Variants in XIRP1 observed in about 807,000 individuals in gnomAD.
XIRP1 encodes xin actin binding repeat containing 1, also known as xin actin-binding repeat-containing protein 1.
For synonymous variants in XIRP1, 984 were observed against 947.0 expected, an observed-to-expected ratio of 1.04 and a Z score of -0.72; for missense variants, 2,378 against 2,345.4, an observed-to-expected ratio of 1.01 and a Z score of -0.29.
Position 39,185,782 on chromosome 3 carries a change from C to A in XIRP1, c.3664G>T (p.Ala1222Ser). 3.1e-6 allele frequency: 5 copies of A among 1,611,180 alleles called. No homozygotes were observed. The highest frequency in any genetic ancestry group is 1.3e-5 in the African/African-American group (1 of 74,986). Reference protein sequence around the residue: ...AEVCPGGLQAAETTLKTAPLG... With the variant: ...AEVCPGGLQASETTLKTAPLG... The stretch of plus-strand genomic sequence containing the variant: ...GGGGCAGTCTTCAGGGTGGTCTCTG[C>A]AGCTTGGAGGCCCCCTGGGCAGACT... Residue 1222 changes from alanine (A) to serine (S), a missense_variant, in exon 2 of 2, where the codon GCA becomes TCA. By Grantham distance (99) the Ala-to-Ser change is moderately conservative. Coordinates refer to ENST00000340369, the MANE Select transcript of XIRP1 (RefSeq NM_194293.4).
In XIRP1 at chr3:39,185,823, C is replaced by G; in HGVS notation, c.3623G>C (p.Gly1208Ala). 1 of 1,613,684 alleles carries G rather than the reference C, an allele frequency of 6.2e-7. No homozygotes were observed. Among genetic ancestry groups the G allele is most frequent in the Non-Finnish European group, 8.5e-7 (1 of 1,179,856 alleles). Residue 1208 changes from glycine to alanine, a missense_variant, in exon 2 of 2, where the codon GGG becomes GCG. Coordinates refer to ENST00000340369, the MANE Select transcript of XIRP1 (RefSeq NM_194293.4). The stretch of plus-strand genomic sequence containing the variant: ...TGGGCAGACTTCTGCCATCGCCTTC[C>G]CTGGTGGCCCCCAGGCCATCTGTGT... ...GCTQMAWGPP[G>A]KAMAEVCPGG...
At position 39,187,239 on chromosome 3, in the gene XIRP1, G is replaced by A; in HGVS notation, c.2207C>T (p.Pro736Leu). 1 of 1,585,528 alleles carries A rather than the reference G, an allele frequency of 6.3e-7. No homozygotes were observed. The highest frequency in any genetic ancestry group is 8.6e-7 in the Non-Finnish European group (1 of 1,163,024). The change falls in exon 2 of 2, where the codon CCC (proline) becomes CTC (leucine). Residue 736 changes from proline to leucine, a missense_variant. Pro to Leu is a moderately conservative substitution (Grantham distance 98). Coordinates refer to ENST00000340369, the MANE Select transcript of XIRP1 (RefSeq NM_194293.4). ...GCTCTCAGCTGCCAGGGAGCCCATG[G>A]GACAATTCTCAAAAAGCCAAGTGAA... ...HKFTWLFENC[P>L]MGSLAAESIQ... is the part of the protein sequence containing the mutation.
At position 39,184,358 on chromosome 3, in the gene XIRP1, C is replaced by T; in HGVS notation, c.5088G>A (p.Val1696=). ...PSFKGNPDVS[V]KSTQLAQDIG... ...TGTCCTGAGCCAGTTGTGTGCTTTT[C>T]ACTGAGACATCAGGGTTGCCCTTAA... Residue 1696 remains valine (V), a synonymous_variant, in exon 2 of 2, where the codon GTG becomes GTA. Coordinates refer to ENST00000340369, the MANE Select transcript of XIRP1 (RefSeq NM_194293.4). 6.2e-7 allele frequency: 1 copy of T among 1,614,160 alleles called. No homozygotes were observed. Among genetic ancestry groups the T allele is most frequent in the Non-Finnish European group, 8.5e-7 (1 of 1,180,036 alleles).
chr3:39,184,984 T>G lies in XIRP1; in HGVS notation c.4462A>C (p.Ser1488Arg). The G allele has an allele frequency of 6.6e-7, 1 of 1,524,550 alleles. No individual in the cohort carries two copies. The allele number at this position is 1,524,550 out of a possible 1,614,324, so 94.4% of individuals were successfully genotyped here. Residue 1488 changes from serine (S) to arginine (R), a missense_variant, in exon 2 of 2, where the codon AGT (serine) becomes CGT (arginine). Ser to Arg is a moderately radical substitution (Grantham distance 110, BLOSUM62 -1). Coordinates refer to ENST00000340369, the MANE Select transcript of XIRP1 (RefSeq NM_194293.4). Reference sequence around the variant, plus strand: ...CTCCGCAGGGCCTGCACGTCCACACTGCTTGCGGCCTCCTTCTCCAGGGCT... The same window carrying G: ...CTCCGCAGGGCCTGCACGTCCACACGGCTTGCGGCCTCCTTCTCCAGGGCT... Reference protein sequence around the residue: ...VQALEKEAASSVDVQALRRLF... With the variant: ...VQALEKEAASRVDVQALRRLF...
In XIRP1 at chr3:39,189,246, T is replaced by C; in HGVS notation, c.200A>G (p.Lys67Arg). ...LYRHIHPELR[K>R]NLAEAVAEDL... ...CTCGGCCACAGCCTCAGCCAGATTC[T>C]TGCGGAGCTCAGGGTGGATGTGCCT... Residue 67 changes from lysine to arginine, a missense_variant, in exon 2 of 2, where the codon AAG (lysine) becomes AGG (arginine). By Grantham distance (26) the Lys-to-Arg change is conservative. Transcript: ENST00000340369. The C allele has an allele frequency of 6.2e-7, 1 of 1,614,118 alleles. No individual in the cohort carries two copies. Among genetic ancestry groups the C allele is most frequent in the Admixed American group, 1.7e-5 (1 of 60,026 alleles).
rs770354079 is a variant in XIRP1, at chr3:39,187,424, G to C, written c.2022C>G (p.Pro674=). The change falls in exon 2 of 2, where the codon CCC becomes CCG. Residue 674 remains proline, a synonymous_variant. Coordinates refer to ENST00000340369, the MANE Select transcript of XIRP1 (RefSeq NM_194293.4). The part of the protein sequence containing the change: ...ETEPLQASGR[P]CGRRPVRYCS... ...AGTATCTCACAGGCCGTCTTCCACAGGGACGGCCTGAGGCCTGAAGAGGCT... is the reference window on the plus strand; with the variant it reads ...AGTATCTCACAGGCCGTCTTCCACACGGACGGCCTGAGGCCTGAAGAGGCT... 1.2e-6 allele frequency: 2 copies of C among 1,614,176 alleles called. No individual in the cohort carries two copies. The highest frequency in any genetic ancestry group is 1.1e-5 in the South Asian group (1 of 91,086).
rs746230647 is a variant in XIRP1 at position 39,184,935 on chromosome 3, A to G, written c.4511T>C (p.Leu1504Pro). The G allele has an allele frequency of 1.0e-5, 16 of 1,569,510 alleles. No individual in the cohort carries two copies. The highest frequency in any genetic ancestry group is 4.8e-5 in the South Asian group (4 of 83,994). Residue 1504 changes from leucine (L) to proline (P), a missense_variant, in exon 2 of 2, where the codon CTG (leucine) becomes CCG (proline). Coordinates refer to ENST00000340369, the MANE Select transcript of XIRP1 (RefSeq NM_194293.4). ...LRRLFEAVPQ[L>P]GGAAPQAPAA... ...AGGAGCCTGAGGAGCAGCCCCTCCC[A>G]GCTGGGGCACGGCCTCAAAGAGCCT...
rs759708134 is a variant in XIRP1, at chr3:39,184,836, G to A, written c.4610C>T (p.Ala1537Val). The change falls in exon 2 of 2, where the codon GCT (alanine) becomes GTT (valine). Residue 1537 changes from alanine (A) to valine (V), a missense_variant. Ala to Val is a moderately conservative substitution (Grantham distance 64). Transcript: ENST00000340369. ...TGCCAAGGTCTGTTCCTTCAGTTGA[G>A]CAACTTCCGTGCTGACCCGTGTCAG... ...GELTRVSTEV[A>V]QLKEQTLARL... is the part of the protein sequence containing the mutation. 2.3e-5 allele frequency: 37 copies of A among 1,613,474 alleles called. No homozygotes were observed. Among genetic ancestry groups the A allele is most frequent in the African/African-American group, 4.0e-5 (3 of 74,936 alleles).
chr3:39,188,974 A>G lies in XIRP1; in HGVS notation c.472T>C (p.Trp158Arg). 1 of 1,613,816 alleles carries G rather than the reference A, an allele frequency of 6.2e-7. No homozygotes were observed. The highest frequency in any genetic ancestry group is 1.1e-5 in the South Asian group (1 of 91,084). ...PGGGDVRAAR[W>R]LFETKPLDEL... ...TCCAGTGGCTTTGTCTCAAATAGCC[A>G]GCGGGCTGCACGAACGTCTCCTCCA... Residue 158 changes from tryptophan (W) to arginine (R), a missense_variant, in exon 2 of 2, where the codon TGG becomes CGG. Physicochemically the swap from Trp to Arg is moderately radical, Grantham distance 101. Transcript: ENST00000340369.
rs760220491 is a variant in XIRP1 at position 39,184,682 on chromosome 3, G to A, written c.4764C>T (p.Val1588=). 7.4e-6 allele frequency: 12 copies of A among 1,614,122 alleles called. No individual in the cohort carries two copies. In the South Asian group the frequency reaches 1.3e-4, roughly 18 times the overall value. The change falls in exon 2 of 2, where the codon GTC becomes GTT. Residue 1588 remains valine, a synonymous_variant. Coordinates refer to ENST00000340369, the MANE Select transcript of XIRP1 (RefSeq NM_194293.4). ...PKDHSAHKIS[V]TVSSSARPSG... ...TGGGCCTGGCGCTACTGCTGACTGT[G>A]ACACTGATCTTGTGGGCACTGTGGT...
chr3:39,185,082 TG>T lies in XIRP1; in HGVS notation c.4363del (p.Gln1455LysfsTer21), dbSNP rs780126069. ...ACTGTCAGGGCTCTCAGGGGCCCCT[TG>T]GTGGGAACCTTCCATGGGCTGCTCT... ...SGEQPMEGSH[Q>X]GAPESPDSLQ... On this transcript the variant is annotated frameshift_variant, in exon 2 of 2. Coordinates refer to ENST00000340369, the MANE Select transcript of XIRP1 (RefSeq NM_194293.4). LOFTEE classifies it low-confidence loss of function (END_TRUNC). 3.3e-5 allele frequency: 50 copies of T among 1,525,336 alleles called. No individual in the cohort carries two copies. The highest frequency in any genetic ancestry group is 4.1e-5 in the Non-Finnish European group (47 of 1,140,096). The allele number at this position is 1,525,336 out of a possible 1,614,324, so 94.5% of individuals were successfully genotyped here. A position where few individuals can be genotyped will look rare whatever the true frequency, so the allele number is the denominator to read the frequency against.
Position 39,189,089 on chromosome 3 carries a change from C to A in XIRP1, c.357G>T (p.Leu119=). 6.2e-7 allele frequency: 1 copy of A among 1,614,206 alleles called. No individual in the cohort carries two copies. The change falls in exon 2 of 2, where the codon CTG becomes CTT. Residue 119 remains leucine, a synonymous_variant. Coordinates refer to ENST00000340369, the MANE Select transcript of XIRP1 (RefSeq NM_194293.4). ...GGGAGGTGGCCTGGACGTCACCACA[C>A]AGCACGGGCTCCTTGGCAGCTGGCC... ...HERPAAKEPV[L]CGDVQATSRK...
In XIRP1 at chr3:39,185,940, C is replaced by G; in HGVS notation, c.3506G>C (p.Arg1169Thr). The change falls in exon 2 of 2, where the codon AGG becomes ACG. Residue 1169 changes from arginine to threonine, a missense_variant. Physicochemically the swap from Arg to Thr is moderately conservative, Grantham distance 71. Coordinates refer to ENST00000340369, the MANE Select transcript of XIRP1 (RefSeq NM_194293.4). ...AGCCTGGACTGAGAGGGCAGTCTCC[C>G]TGTGCCTTGACTGGGGTTCCCTCTG... ...LSQREPQSRH[R>T]ETALSVQAPR... 6.2e-7 allele frequency: 1 copy of G among 1,614,058 alleles called. No individual in the cohort carries two copies. The highest frequency in any genetic ancestry group is 8.5e-7 in the Non-Finnish European group (1 of 1,179,954).
chr3:39,189,512 G>A lies in XIRP1; in HGVS notation c.-67C>T, dbSNP rs781700024. On this transcript the variant is annotated 5_prime_UTR_variant, in exon 2 of 2. Transcript: ENST00000340369. ...GCCTTAGATCTAGATGTTCAGCAGG[G>A]TAGAGGCTGGATGCTGGGAGAAATG... The A allele has an allele frequency of 1.6e-5, 25 of 1,520,824 alleles. No homozygotes were observed. The highest frequency in any genetic ancestry group is 4.4e-5 in the Admixed American group (2 of 45,410). The allele number at this position is 1,520,824 out of a possible 1,614,324, so 94.2% of individuals were successfully genotyped here. A position where few individuals can be genotyped will look rare whatever the true frequency, so the allele number is the denominator to read the frequency against.
rs2039920092 is a variant in XIRP1, at chr3:39,184,254, G to T, written c.5192C>A (p.Pro1731His). The T allele has an allele frequency of 6.2e-7, 1 of 1,614,106 alleles. No individual in the cohort carries two copies. The highest frequency in any genetic ancestry group is 1.3e-5 in the African/African-American group (1 of 74,940). The change falls in exon 2 of 2, where the codon CCT becomes CAT. Residue 1731 changes from proline to histidine, a missense_variant. By Grantham distance (77) the Pro-to-His change is moderately conservative. Coordinates refer to ENST00000340369, the MANE Select transcript of XIRP1 (RefSeq NM_194293.4). Reference protein sequence around the residue: ...KKDITQCSVQPEPAPPSASPL... With the variant: ...KKDITQCSVQHEPAPPSASPL... ...ACTGGCTGAGGGAGGGGCAGGTTCAGGTTGCACAGAGCACTGGGTGATGTC... is the reference window on the plus strand; with the variant it reads ...ACTGGCTGAGGGAGGGGCAGGTTCATGTTGCACAGAGCACTGGGTGATGTC...
rs766406416 is a variant in XIRP1 at position 39,184,275 on chromosome 3, A to T, written c.5171T>A (p.Ile1724Asn). The T allele has an allele frequency of 1.2e-6, 2 of 1,614,154 alleles. No homozygotes were observed. The highest frequency in any genetic ancestry group is 1.7e-6 in the Non-Finnish European group (2 of 1,180,018). Residue 1724 changes from isoleucine to asparagine, a missense_variant, in exon 2 of 2, where the codon ATC becomes AAC. Ile to Asn is a moderately radical substitution (Grantham distance 149, BLOSUM62 -3). Coordinates refer to ENST00000340369, the MANE Select transcript of XIRP1 (RefSeq NM_194293.4). ...GVQDKTGKKDITQCSVQPEPA... is the reference protein window; with the variant it reads ...GVQDKTGKKDNTQCSVQPEPA... ...TTCAGGTTGCACAGAGCACTGGGTGATGTCCTTCTTCCCAGTTTTGTCTTG... is the reference window on the plus strand; with the variant it reads ...TTCAGGTTGCACAGAGCACTGGGTGTTGTCCTTCTTCCCAGTTTTGTCTTG...
In XIRP1 at chr3:39,188,506, G is replaced by T. The variant is rs765900741; in HGVS notation, c.940C>A (p.Gln314Lys). 2.5e-6 allele frequency: 4 copies of T among 1,606,156 alleles called. No homozygotes were observed. The East Asian group carries it at 9.0e-5, about 36-fold the overall frequency. The change falls in exon 2 of 2, where the codon CAG (glutamine) becomes AAG (lysine). Residue 314 changes from glutamine (Q) to lysine (K), a missense_variant. By Grantham distance (53) the Gln-to-Lys change is moderately conservative. Coordinates refer to ENST00000340369, the MANE Select transcript of XIRP1 (RefSeq NM_194293.4). ...VSATRWIFETQPLDAIREILV... is the reference protein window; with the variant it reads ...VSATRWIFETKPLDAIREILV... ...ATCTCCCGGATGGCATCCAGGGGCT[G>T]TGTCTCAAAGATCCAGCGAGTTGCA...
chr3:39,191,500 C>T (rs1330490839), intron 1 of XIRP1, among the ~76,000 whole-genome samples: 1 of 152,146 alleles, frequency 6.6e-6, no homozygotes, highest in Non-Finnish European at 1.5e-5. Context: ...GAAACAGAGG[C>T]CCAAAGAGGG....
Position 39,184,698 on chromosome 3 carries a change from G to C in XIRP1, c.4748C>G (p.Ala1583Gly). Residue 1583 changes from alanine to glycine, a missense_variant, in exon 2 of 2, where the codon GCC (alanine) becomes GGC (glycine). Transcript: ENST00000340369. ...GCTGACTGTGACACTGATCTTGTGG[G>C]CACTGTGGTCTTTTGGAGGTCCCTG... ...HFQGPPKDHS[A>G]HKISVTVSSS... 3 of 1,614,258 alleles carry C rather than the reference G, an allele frequency of 1.9e-6. No individual in the cohort carries two copies. The highest frequency in any genetic ancestry group is 2.5e-6 in the Non-Finnish European group (3 of 1,180,052).
Sources: allele counts gnomAD v4.1 joint callset (sites outside exome capture counted in the v4.1 genomes callset), GRCh38; gene constraint gnomAD v4.1.1; transcripts MANE v1.5; gene names NCBI Gene and HGNC (gene_info 2026-07-23, HGNC 2026-07-21).